Variants in DENND5A observed in about 807,000 individuals in gnomAD.
DENND5A encodes DENN domain containing 5A.
Under a neutral mutation model 140.3 loss-of-function variants are expected in DENND5A, and 64 were observed. That is an observed-to-expected ratio of 0.46 (90% CI 0.37 to 0.56). DENND5A has a LOEUF of 0.56. DENND5A is among the 20% of genes least tolerant of loss of function. The pLI is 0.00. For synonymous variants in DENND5A, 605 were observed against 607.7 expected (o/e 1.00, Z 0.07); for missense variants, 1,292 against 1,593.8 (o/e 0.81, Z 3.22).
intron 5 of DENND5A, among the ~76,000 whole-genome samples, chr11:9,184,051 C>G (rs988965255): frequency 7.2e-6 from 1 of 138,348 alleles, no homozygotes; most frequent in African/African-American, 2.7e-5. Flanking sequence ...AACTCCATCT[C>G]AAAAAAAAAA....
At chr11:9,244,212 T>C (rs13377440) in intron 1 of DENND5A, among the ~76,000 whole-genome samples, 6,501 of 152,246 alleles carry the variant, frequency 0.043, 465 homozygotes, top group African/African-American at 0.15. Flanking sequence ...TAAATTTCTA[T>C]TGTATTTCTG....
chr11:9,255,361 C>T (rs923810987), intron 1 of DENND5A, among the ~76,000 whole-genome samples: 1 of 151,852 alleles, frequency 6.6e-6, no homozygotes, highest in Non-Finnish European at 1.5e-5. Flanking sequence ...GAGGCCAAGT[C>T]GGGAGTATCA....
At chr11:9,174,969 A>G (rs1848501018) in intron 8 of DENND5A, among the ~76,000 whole-genome samples, 1 of 148,290 alleles carries the variant, frequency 6.7e-6, no homozygotes, top group African/African-American at 2.5e-5. Flanking sequence ...AAATAAATAA[A>G]TAAGAAGAAG....
At chr11:9,229,692 A>AAGGAATGCTGC (rs1850680419) in intron 1 of DENND5A, among the ~76,000 whole-genome samples, 1 of 152,092 alleles carries the variant, frequency 6.6e-6, no homozygotes, top group Non-Finnish European at 1.5e-5. Flanking sequence ...ACCCAGGAAG[A>AAGGAATGCTGC]AGGAATGCTG....
At chr11:9,173,393 A>G (rs1326129492) in intron 8 of DENND5A, among the ~76,000 whole-genome samples, 1 of 152,268 alleles carries the variant, frequency 6.6e-6, no homozygotes, top group Non-Finnish European at 1.5e-5. Flanking sequence ...AAATCCCTTT[A>G]AAAGGTAATT....
Position 9,139,435 on chromosome 11 carries a change from G to T in DENND5A, c.*236C>A. ...GGAGGGCACCAGCTTCAAAATAAGC[G>T]GCACCAGCCTCGCTCCCTCTCCCTA... On this transcript the variant is annotated 3_prime_UTR_variant, in exon 23 of 23. Transcript: ENST00000328194. 1 of 489,108 alleles carries T rather than the reference G, an allele frequency of 2.0e-6. No homozygotes were observed. The highest frequency in any genetic ancestry group is 3.7e-6 in the Non-Finnish European group (1 of 272,938). 30.3% of individuals were successfully genotyped at this position (489,108 alleles called of 1,614,324 possible).
At chr11:9,241,354 A>T (rs1336396986) in intron 1 of DENND5A, among the ~76,000 whole-genome samples, 1 of 152,100 alleles carries the variant, frequency 6.6e-6, no homozygotes, top group Non-Finnish European at 1.5e-5. Context: ...TCAGCGGGTA[A>T]AGGGTGGGGT....
intron 5 of DENND5A, among the ~76,000 whole-genome samples, chr11:9,185,883 G>T (rs913153858): frequency 4.0e-5 from 6 of 151,410 alleles, no homozygotes; most frequent in Non-Finnish European, 5.9e-5. Flanking sequence ...GCGTTTTCTG[G>T]ATGTTTACGT....
At chr11:9,190,569 T>C (rs560602495) in intron 5 of DENND5A, among the ~76,000 whole-genome samples, 1 of 152,284 alleles carries the variant, frequency 6.6e-6, no homozygotes, top group Non-Finnish European at 1.5e-5. Context: ...TGTGAGGCTT[T>C]CCCAGCCACA....
intron 1 of DENND5A, among the ~76,000 whole-genome samples, chr11:9,259,892 G>A (rs1852115876): frequency 6.6e-6 from 1 of 151,950 alleles, no homozygotes; most frequent in Admixed American, 6.6e-5. Context: ...AGCCAGGTGT[G>A]CTAGTGCACA....
chr11:9,257,812 A>G (rs1345748130), intron 1 of DENND5A, among the ~76,000 whole-genome samples: 4 of 131,884 alleles, frequency 3.0e-5, no homozygotes, highest in Non-Finnish European at 3.2e-5. Flanking sequence ...TTTTTTTTTG[A>G]GACAAGGTCT....
chr11:9,220,580 A>C lies in DENND5A; in HGVS notation c.110-12948T>G, dbSNP rs527734634. On this transcript the variant is annotated intron_variant, in intron 1 of 22. Transcript: ENST00000328194. ...ATAATAATAATAATAATAATAATTC[A>C]ACATGGAAAAAAATATGAATGAAAA... Among the ~76,000 whole-genome samples the C allele has an allele frequency of 2.6e-5, 4 of 151,526 alleles. No individual in the cohort carries two copies. The East Asian group carries it at 7.8e-4, about 29-fold the overall frequency.
At chr11:9,196,986 C>T (rs1313767395) in intron 4 of DENND5A, among the ~76,000 whole-genome samples, 1 of 151,110 alleles carries the variant, frequency 6.6e-6, no homozygotes, top group East Asian at 2.0e-4. Context: ...AATTAATACA[C>T]ATATATTCAA....
At chr11:9,157,403 G>C (rs570177038) in intron 12 of DENND5A, among the ~76,000 whole-genome samples, 124 of 152,266 alleles carry the variant, frequency 8.1e-4, no homozygotes, top group African/African-American at 2.9e-3. Context: ...TATCACAGGG[G>C]TCTGGTGTAC....
chr11:9,209,097 G>A (rs985826243), intron 1 of DENND5A, among the ~76,000 whole-genome samples: 2 of 152,178 alleles, frequency 1.3e-5, no homozygotes, highest in African/African-American at 2.4e-5. Context: ...TCAGTTATCA[G>A]TTTGTTCATT....
intron 5 of DENND5A, among the ~76,000 whole-genome samples, chr11:9,189,117 G>A (rs550844703): frequency 3.3e-5 from 5 of 152,310 alleles, no homozygotes; most frequent in African/African-American, 7.2e-5. Context: ...CATCCCAGCT[G>A]CTCCAGCTGT....
intron 1 of DENND5A, among the ~76,000 whole-genome samples, chr11:9,240,221 C>T (rs1028399194): frequency 6.6e-6 from 1 of 151,964 alleles, no homozygotes; most frequent in Admixed American, 6.6e-5. Context: ...TGGTGAAACC[C>T]CATCTCTACT....
chr11:9,177,510 C>T (rs577034917), intron 8 of DENND5A, among the ~76,000 whole-genome samples: 37 of 151,898 alleles, frequency 2.4e-4, no homozygotes, highest in African/African-American at 8.2e-4. Context: ...TTTTAATTAG[C>T]CAGGCATGGG....
intron 15 of DENND5A, among the ~76,000 whole-genome samples, chr11:9,147,677 C>T (rs530787698): frequency 1.3e-5 from 2 of 152,356 alleles, no homozygotes; most frequent in East Asian, 1.9e-4. Flanking sequence ...CTTCTGCTCC[C>T]GCCTCTGATC....
Sources: gnomAD v4.1 joint callset for allele counts (sites outside exome capture counted in the v4.1 genomes callset) on GRCh38, gnomAD v4.1.1 for gene constraint, MANE v1.5 for transcripts, NCBI Gene and HGNC (gene_info 2026-07-23, HGNC 2026-07-21) for gene names.